Variants in PPARGC1A observed in about 807,000 individuals in gnomAD.
PPARGC1A encodes the protein PPARG coactivator 1 alpha, also known as peroxisome proliferator-activated receptor gamma coactivator 1-alpha.
Under a neutral mutation model 88.7 loss-of-function variants are expected in PPARGC1A, and 25 were observed. The observed-to-expected ratio is 0.28, with a 90% CI of 0.21 to 0.39. The LOEUF (loss-of-function observed/expected upper bound fraction) is 0.39, where lower values mean the gene tolerates loss of function less well. Among genes scored for constraint, PPARGC1A ranks in the 10% least tolerant of loss-of-function variants. The pLI is 1.00. For missense variants in PPARGC1A, 880 were observed against 968.7 expected, an observed-to-expected ratio of 0.91 and a Z score of 1.22; for synonymous variants, 363 against 355.6, an observed-to-expected ratio of 1.02 and a Z score of -0.24.
At chr4:24,341,174 T>C in the PPARGC1A span, among the ~76,000 whole-genome samples, 1 of 150,914 alleles carries the variant, frequency 6.6e-6, no homozygotes, top group Non-Finnish European at 1.5e-5. Context: ...AAAGAATAGC[T>C]CCCCAGGATC....
chr4:23,990,689 C>G, the PPARGC1A span, among the ~76,000 whole-genome samples: 4 of 151,426 alleles, frequency 2.6e-5, no homozygotes, highest in Non-Finnish European at 5.9e-5. Context: ...GCCATCCTGA[C>G]GTGGGGTTTC....
the PPARGC1A span, among the ~76,000 whole-genome samples, chr4:24,047,853 T>A: frequency 6.6e-6 from 1 of 152,210 alleles, no homozygotes; most frequent in Admixed American, 6.5e-5. Context: ...CTCTTAATCT[T>A]ACAGAGCAGG....
chr4:23,992,529 C>G, the PPARGC1A span, among the ~76,000 whole-genome samples: 3 of 151,858 alleles, frequency 2.0e-5, no homozygotes, highest in Non-Finnish European at 2.9e-5. Flanking sequence ...CAAGTTTGCA[C>G]CCAAAAAAAA....
At chr4:24,028,410 T>C in the PPARGC1A span, among the ~76,000 whole-genome samples, 1 of 152,208 alleles carries the variant, frequency 6.6e-6, no homozygotes, top group Non-Finnish European at 1.5e-5. Context: ...TCAAAATGAA[T>C]GGCTTCCATT....
At chr4:24,069,369 C>G in the PPARGC1A span, among the ~76,000 whole-genome samples, 3 of 152,198 alleles carry the variant, frequency 2.0e-5, no homozygotes, top group Admixed American at 6.5e-5. Context: ...CTATGTCTCT[C>G]CCAGCCCTAC....
the PPARGC1A span, among the ~76,000 whole-genome samples, chr4:24,439,565 G>A: frequency 6.6e-6 from 1 of 152,272 alleles, no homozygotes; most frequent in Middle Eastern, 3.4e-3. Context: ...TGGGCAGACT[G>A]TCATACCTAG....
At position 23,835,545 on chromosome 4, in the gene PPARGC1A, T is replaced by C. The variant is rs559337066; in HGVS notation, c.235-3794A>G. ...GTAGTAAGGGCTACTATTCAACCAG[T>C]ATCTACCATAGGGCTGTAATGATTA... On this transcript the variant is annotated intron_variant, in intron 2 of 12. Transcript: ENST00000264867. 4.0e-5 allele frequency among the ~76,000 whole-genome samples: 6 copies of C among 151,386 alleles called. No individual in the cohort carries two copies. In the East Asian group the frequency reaches 9.8e-4, roughly 25 times the overall value.
At chr4:24,030,613 A>T in the PPARGC1A span, among the ~76,000 whole-genome samples, 1 of 152,162 alleles carries the variant, frequency 6.6e-6, no homozygotes, top group African/African-American at 2.4e-5. Context: ...TCCTGACCAC[A>T]GCACCACCTC....
the PPARGC1A span, among the ~76,000 whole-genome samples, chr4:24,365,153 GAA>G: frequency 3.2e-4 from 43 of 133,228 alleles, no homozygotes; most frequent in South Asian, 1.4e-3. Flanking sequence ...AGATGGCATT[GAA>G]AAAAAAAAAA....
the PPARGC1A span, among the ~76,000 whole-genome samples, chr4:24,134,288 C>A: frequency 6.6e-6 from 1 of 152,220 alleles, no homozygotes; most frequent in Non-Finnish European, 1.5e-5. Context: ...CCTGCCCTCA[C>A]GTTACTGAGG....
chr4:23,806,847 G>A (rs1167087969), intron 10 of PPARGC1A, among the ~76,000 whole-genome samples: 1 of 152,084 alleles, frequency 6.6e-6, no homozygotes, highest in South Asian at 2.1e-4. Context: ...CTGATAAAAG[G>A]GGTTTGACAA....
chr4:24,310,147 C>T, the PPARGC1A span, among the ~76,000 whole-genome samples: 1 of 152,096 alleles, frequency 6.6e-6, no homozygotes, highest in Admixed American at 6.5e-5. Flanking sequence ...TGAGTAGGTG[C>T]CTTGGCTGTA....
chr4:23,949,988 G>C, the PPARGC1A span, among the ~76,000 whole-genome samples: 3 of 152,074 alleles, frequency 2.0e-5, no homozygotes, highest in Admixed American at 6.5e-5. Context: ...AGTTTAGATG[G>C]AAACCCATTT....
chr4:24,077,636 T>G, the PPARGC1A span, among the ~76,000 whole-genome samples: 1 of 136,022 alleles, frequency 7.4e-6, no homozygotes, highest in Non-Finnish European at 1.6e-5. Flanking sequence ...TGTGTGTGTG[T>G]GTGTGTGTGT....
rs1264002788 is a variant in PPARGC1A at position 23,884,890 on chromosome 4, A to T, written c.96T>A (p.Asp32Glu). ...GTTCAGAAAGATCAAGTTCAGGAAG[A>T]TCTGGGCAAAGAGGCTGGTCTTCAC... ...LVGEDQPLCP[D>E]LPELDLSELD... The change falls in exon 2 of 13, where the codon GAT (aspartate) becomes GAA (glutamate). Residue 32 changes from aspartate (D) to glutamate (E), a missense_variant. By Grantham distance (45) the Asp-to-Glu change is conservative. Coordinates refer to ENST00000264867, the MANE Select transcript of PPARGC1A (RefSeq NM_013261.5). 7.4e-6 allele frequency: 12 copies of T among 1,613,724 alleles called. No homozygotes were observed. The Middle Eastern group carries it at 6.6e-4, about 89-fold the overall frequency.
chr4:24,290,876 T>C, the PPARGC1A span, among the ~76,000 whole-genome samples: 18 of 152,242 alleles, frequency 1.2e-4, no homozygotes, highest in African/African-American at 3.6e-4. Context: ...TAAAATTTGC[T>C]TCAGTGTTTC....
chr4:24,147,951 A>G, the PPARGC1A span, among the ~76,000 whole-genome samples: 1 of 151,458 alleles, frequency 6.6e-6, no homozygotes, highest in African/African-American at 2.4e-5. Flanking sequence ...CTAAAAACAA[A>G]CAAACAAACA....
At chr4:23,914,093 T>G in the PPARGC1A span, among the ~76,000 whole-genome samples, 1 of 152,238 alleles carries the variant, frequency 6.6e-6, no homozygotes, top group South Asian at 2.1e-4. Context: ...ATCCTTTAAA[T>G]GAATCTTTAT....
chr4:24,362,250 T>C, the PPARGC1A span, among the ~76,000 whole-genome samples: 1 of 152,178 alleles, frequency 6.6e-6, no homozygotes, highest in African/African-American at 2.4e-5. Flanking sequence ...CACATCATTT[T>C]GCTGCCCTAA....
Sources: allele counts gnomAD v4.1 joint callset (sites outside exome capture counted in the v4.1 genomes callset), GRCh38; gene constraint gnomAD v4.1.1; transcripts MANE v1.5; gene names NCBI Gene and HGNC (gene_info 2026-07-23, HGNC 2026-07-21).